Variants in TEK observed in about 807,000 individuals in gnomAD.
The protein encoded by TEK is angiopoietin-1 receptor.
TEK carries 43 observed loss-of-function variants against 131.8 expected under a neutral mutation model. The ratio of observed to expected loss-of-function variants is 0.33; its 90% CI spans 0.26 to 0.42. The LOEUF (loss-of-function observed/expected upper bound fraction) is 0.42. Among genes scored for constraint, TEK ranks in the 10% least tolerant of loss-of-function variants. The pLI, the probability that TEK is intolerant of heterozygous loss-of-function variation, is 1.00. For missense variants in TEK, 1,162 were observed against 1,384.4 expected (o/e 0.84, Z 2.55); for synonymous variants, 580 against 491.6 (o/e 1.18, Z -2.38).
At chr9:27,204,260 C>T (rs559123491) in intron 13 of TEK, among the ~76,000 whole-genome samples, 6 of 152,214 alleles carry the variant, frequency 3.9e-5, no homozygotes, top group African/African-American at 1.4e-4. Flanking sequence ...TGTGCTATTG[C>T]TAATAAAAAT....
intron 1 of TEK, among the ~76,000 whole-genome samples, chr9:27,150,566 G>C (rs1234847359): frequency 1.3e-5 from 2 of 152,126 alleles, no homozygotes; most frequent in Non-Finnish European, 2.9e-5. Context: ...AGCAGTGACT[G>C]TGCCACTGCA....
intron 1 of TEK, among the ~76,000 whole-genome samples, chr9:27,133,613 C>T (rs12352603): frequency 0.52 from 78,934 of 151,912 alleles, 21,508 homozygotes; most frequent in African/African-American, 0.57. Context: ...CTCATCTTTC[C>T]GTAAATCTCC....
rs1826464972 is a variant in TEK, at chr9:27,229,221, G to C, written c.3364G>C (p.Glu1122Gln). 1 of 1,613,700 alleles carries C rather than the reference G, an allele frequency of 6.2e-7. No individual in the cohort carries two copies. Among genetic ancestry groups the C allele is most frequent in the Non-Finnish European group, 8.5e-7 (1 of 1,179,736 alleles). The change falls in exon 23 of 23, where the codon GAA becomes CAA. Residue 1122 changes from glutamate to glutamine, a missense_variant. Transcript: ENST00000380036. The part of the protein sequence containing the change: ...TYAGIDCSAE[E>Q]AA Reference sequence around the variant, plus strand: ...TGCAGGAATTGACTGTTCTGCTGAAGAAGCGGCCTAGGACAGAACATCTGT... The same window carrying C: ...TGCAGGAATTGACTGTTCTGCTGAACAAGCGGCCTAGGACAGAACATCTGT...
At position 27,174,324 on chromosome 9, in the gene TEK, G is replaced by A. The variant is rs555406871; in HGVS notation, c.901+962G>A. On this transcript the variant is annotated intron_variant, in intron 6 of 22. Coordinates refer to ENST00000380036, the MANE Select transcript of TEK (RefSeq NM_000459.5). Reference sequence around the variant, plus strand: ...AGCTACGATGGGGTCCCAGCAACTTGATAACAATGCTCCAGGGCAGAGCAG... The same window carrying A: ...AGCTACGATGGGGTCCCAGCAACTTAATAACAATGCTCCAGGGCAGAGCAG... Among the ~76,000 whole-genome samples, 5 of 152,258 alleles carry A rather than the reference G, an allele frequency of 3.3e-5. No individual in the cohort carries two copies. In the East Asian group the frequency reaches 9.6e-4, roughly 29 times the overall value.
At chr9:27,186,376 T>C (rs186579222) in intron 9 of TEK, among the ~76,000 whole-genome samples, 5 of 152,322 alleles carry the variant, frequency 3.3e-5, no homozygotes, top group Admixed American at 3.3e-4. Context: ...CTCTGGCATA[T>C]ATTCTAGGAA....
At chr9:27,148,389 A>G (rs1195415316) in intron 1 of TEK, among the ~76,000 whole-genome samples, 1 of 152,274 alleles carries the variant, frequency 6.6e-6, no homozygotes, top group African/African-American at 2.4e-5. Flanking sequence ...CATCCAAAAC[A>G]TAATGGTAAA....
Position 27,140,449 on chromosome 9 carries a change from C to A in TEK, c.53-17382C>A, listed in dbSNP as rs755730266. ...ATCTCTTCCAATGCTGGAGGAAAACCTACCTGTTTCATTGGTGAATAAATG... is the reference window on the plus strand; with the variant it reads ...ATCTCTTCCAATGCTGGAGGAAAACATACCTGTTTCATTGGTGAATAAATG... On this transcript the variant is annotated intron_variant, in intron 1 of 22. Coordinates refer to ENST00000380036, the MANE Select transcript of TEK (RefSeq NM_000459.5). Among the ~76,000 whole-genome samples, 34 of 150,714 alleles carry A rather than the reference C, an allele frequency of 2.3e-4. No individual in the cohort carries two copies. In the South Asian group the frequency reaches 4.0e-3, roughly 18 times the overall value.
At chr9:27,148,258 A>T (rs1822999064) in intron 1 of TEK, among the ~76,000 whole-genome samples, 1 of 152,226 alleles carries the variant, frequency 6.6e-6, no homozygotes, top group Non-Finnish European at 1.5e-5. Context: ...ATTCTTTGAC[A>T]ATTTGATAGG....
At chr9:27,149,100 G>T (rs1823035835) in intron 1 of TEK, among the ~76,000 whole-genome samples, 1 of 152,170 alleles carries the variant, frequency 6.6e-6, no homozygotes. Context: ...ATTCACTGAA[G>T]GCCAATCTCA....
intron 15 of TEK, among the ~76,000 whole-genome samples, chr9:27,207,406 G>C (rs1825436759): frequency 6.6e-6 from 1 of 152,164 alleles, no homozygotes; most frequent in Admixed American, 6.5e-5. Flanking sequence ...TTTCTCAATG[G>C]TTCCTCTGTA....
chr9:27,192,728 TGGGG>T, intron 11 of TEK, 105 bp downstream of exon 11: 1 of 161,302 alleles, frequency 6.2e-6, no homozygotes, highest in Non-Finnish European at 1.2e-5. Context: ...AGTGGGTGGG[TGGGG>T]ATGGAGGTGG....
chr9:27,133,820 C>T (rs1015472879), intron 1 of TEK, among the ~76,000 whole-genome samples: 2 of 152,178 alleles, frequency 1.3e-5, no homozygotes, highest in South Asian at 2.1e-4. Context: ...TTGTCTTTTA[C>T]ATAATATTTA....
chr9:27,220,814 G>A (rs779002999), intron 21 of TEK, among the ~76,000 whole-genome samples: 2 of 152,214 alleles, frequency 1.3e-5, no homozygotes, highest in African/African-American at 2.4e-5. Context: ...TGGTGCCTAT[G>A]CCAACAGGGC....
chr9:27,171,954 A>C (rs1444014864), intron 4 of TEK, among the ~76,000 whole-genome samples: 1 of 152,194 alleles, frequency 6.6e-6, no homozygotes, highest in Non-Finnish European at 1.5e-5. Flanking sequence ...CTCAGAGGGT[A>C]AATGGGGTAC....
intron 1 of TEK, among the ~76,000 whole-genome samples, chr9:27,134,891 C>A (rs1822359995): frequency 1.3e-5 from 2 of 152,148 alleles, no homozygotes; most frequent in South Asian, 4.1e-4. Flanking sequence ...TGGCTCATTT[C>A]TTGCCCATGT....
chr9:27,226,926 G>A lies in TEK; in HGVS notation c.3201-1280G>A, dbSNP rs577628980. Reference sequence around the variant, plus strand: ...GCAGATAATTTATTGTCTAAATGGAGCTACTTCTAAGAGTGAAGGAGGGTG... The same window carrying A: ...GCAGATAATTTATTGTCTAAATGGAACTACTTCTAAGAGTGAAGGAGGGTG... On this transcript the variant is annotated intron_variant, in intron 21 of 22. Coordinates refer to ENST00000380036, the MANE Select transcript of TEK (RefSeq NM_000459.5). Among the ~76,000 whole-genome samples the A allele has an allele frequency of 2.6e-5, 4 of 152,240 alleles. No homozygotes were observed. The East Asian group carries it at 7.7e-4, about 29-fold the overall frequency.
intron 9 of TEK, among the ~76,000 whole-genome samples, chr9:27,186,040 G>A (rs1294672317): frequency 3.3e-5 from 5 of 152,132 alleles, no homozygotes; most frequent in Non-Finnish European, 7.4e-5. Context: ...TAGCATTGCC[G>A]TTGTGACTTC....
At chr9:27,158,731 C>T (rs888675102) in intron 2 of TEK, among the ~76,000 whole-genome samples, 9 of 149,582 alleles carry the variant, frequency 6.0e-5, no homozygotes, top group Non-Finnish European at 1.3e-4. Context: ...ATGATTTTGG[C>T]TCACTGCAAC....
chr9:27,197,878 T>C (rs1825085742), intron 12 of TEK, among the ~76,000 whole-genome samples: 1 of 152,238 alleles, frequency 6.6e-6, no homozygotes, highest in African/African-American at 2.4e-5. Context: ...TTCTAGGGCT[T>C]GTTGAACCAT....
Sources: allele counts gnomAD v4.1 joint callset (sites outside exome capture counted in the v4.1 genomes callset), GRCh38; gene constraint gnomAD v4.1.1; transcripts MANE v1.5; gene names NCBI Gene and HGNC (gene_info 2026-07-23, HGNC 2026-07-21).